Variants in CLMN observed in about 807,000 individuals in gnomAD.
CLMN encodes the protein calmin (calponin-like, transmembrane).
In CLMN, 57 loss-of-function variants were observed where a neutral mutation model predicts 92.7. The observed-to-expected ratio is 0.61, with a 90% CI of 0.50 to 0.77. The LOEUF is 0.77. CLMN is among the 30% of genes least tolerant of loss of function. The pLI is 0.00. For synonymous variants in CLMN, 466 were observed against 470.6 expected, an observed-to-expected ratio of 0.99 and a Z score of 0.13; for missense variants, 1,158 against 1,237.5, an observed-to-expected ratio of 0.94 and a Z score of 0.96.
chr14:95,268,959 A>C (rs1216736149), intron 1 of CLMN, among the ~76,000 whole-genome samples: 1 of 151,742 alleles, frequency 6.6e-6, no homozygotes, highest in Non-Finnish European at 1.5e-5. Context: ...ACGTGCCACC[A>C]TACCGAGCTA....
chr14:95,193,685 A>G (rs1297040066), intron 12 of CLMN, among the ~76,000 whole-genome samples, 164 bp downstream of exon 12: 1 of 152,138 alleles, frequency 6.6e-6, no homozygotes, highest in Non-Finnish European at 1.5e-5. Flanking sequence ...CTCATATTCA[A>G]TTTACATCAT....
chr14:95,308,063 T>C (rs1322558651), intron 1 of CLMN, among the ~76,000 whole-genome samples: 1 of 152,226 alleles, frequency 6.6e-6, no homozygotes, highest in Non-Finnish European at 1.5e-5. Flanking sequence ...GTGGTTCCCA[T>C]GGCTGCCTCT....
intron 4 of CLMN, among the ~76,000 whole-genome samples, chr14:95,216,964 T>C (rs1166858608): frequency 2.6e-4 from 39 of 152,164 alleles, no homozygotes; most frequent in Admixed American, 2.6e-3. Context: ...GGTTTGAGGA[T>C]CACTGCCCTA....
At chr14:95,284,801 T>C (rs1900276031) in intron 1 of CLMN, among the ~76,000 whole-genome samples, 1 of 152,210 alleles carries the variant, frequency 6.6e-6, no homozygotes, top group East Asian at 1.9e-4. Flanking sequence ...GGGATTTGCC[T>C]TGTCTCAGAT....
chr14:95,197,529 G>C (rs1761724728), intron 9 of CLMN, among the ~76,000 whole-genome samples: 1 of 152,178 alleles, frequency 6.6e-6, no homozygotes, highest in Non-Finnish European at 1.5e-5. Context: ...GGGCCAAAGG[G>C]TGCAAAGGTG....
chr14:95,250,984 A>G (rs1403072539), intron 1 of CLMN, among the ~76,000 whole-genome samples: 1 of 152,136 alleles, frequency 6.6e-6, no homozygotes, highest in African/African-American at 2.4e-5. Context: ...GTATTAGGAG[A>G]GGGCTGGTTC....
chr14:95,229,917 G>A (rs1301118032), intron 2 of CLMN, among the ~76,000 whole-genome samples, 155 bp downstream of exon 2: 3 of 152,040 alleles, frequency 2.0e-5, no homozygotes, highest in Admixed American at 2.0e-4. Context: ...TCCCAATCCT[G>A]AGCTTGGTAA....
intron 1 of CLMN, among the ~76,000 whole-genome samples, chr14:95,296,848 G>T (rs901672723): frequency 1.3e-5 from 2 of 152,168 alleles, no homozygotes; most frequent in African/African-American, 4.8e-5. Context: ...GTTGTTTCAG[G>T]TTTCCTGTAA....
intron 1 of CLMN, among the ~76,000 whole-genome samples, chr14:95,253,681 C>A (rs368436523): frequency 1.1e-4 from 16 of 150,770 alleles, no homozygotes; most frequent in African/African-American, 3.2e-4. Flanking sequence ...GGCGCGATCT[C>A]GGCTCACTGC....
intron 1 of CLMN, among the ~76,000 whole-genome samples, chr14:95,253,355 T>G (rs1261630320): frequency 6.6e-6 from 1 of 152,206 alleles, no homozygotes; most frequent in Non-Finnish European, 1.5e-5. Flanking sequence ...AGCACAGGGT[T>G]CCGCTCCATG....
chr14:95,239,832 A>G (rs1393544257), intron 1 of CLMN, among the ~76,000 whole-genome samples: 5 of 152,262 alleles, frequency 3.3e-5, no homozygotes, highest in African/African-American at 9.6e-5. Flanking sequence ...CTTTGGAAAT[A>G]GTCATGTGCC....
At chr14:95,199,902 G>A (rs1002813522) in intron 9 of CLMN, among the ~76,000 whole-genome samples, 2 of 152,128 alleles carry the variant, frequency 1.3e-5, no homozygotes, top group African/African-American at 4.8e-5. Context: ...AGACAAAGAG[G>A]GGTGGGTGGC....
chr14:95,300,459 A>G (rs1439622286), intron 1 of CLMN, among the ~76,000 whole-genome samples: 1 of 152,172 alleles, frequency 6.6e-6, no homozygotes, highest in Non-Finnish European at 1.5e-5. Flanking sequence ...CTCCAACAGC[A>G]AAGATGTGAC....
At chr14:95,249,293 T>C (rs1290889073) in intron 1 of CLMN, among the ~76,000 whole-genome samples, 2 of 152,218 alleles carry the variant, frequency 1.3e-5, no homozygotes, top group Non-Finnish European at 2.9e-5. Flanking sequence ...CACTGCATGT[T>C]GAGCAGATAA....
At chr14:95,296,995 G>A (rs529648371) in intron 1 of CLMN, among the ~76,000 whole-genome samples, 1 of 152,228 alleles carries the variant, frequency 6.6e-6, no homozygotes, top group Non-Finnish European at 1.5e-5. Flanking sequence ...GGAAGCAAAC[G>A]AATGCCAGCT....
intron 6 of CLMN, 104 bp downstream of exon 6, chr14:95,213,115 G>C: frequency 8.1e-7 from 1 of 1,236,062 alleles, no homozygotes; most frequent in Non-Finnish European, 1.1e-6. Context: ...ATGAAGCAAT[G>C]GGCACATACA....
chr14:95,209,918 A>T (rs936611971), intron 7 of CLMN, among the ~76,000 whole-genome samples: 2 of 152,216 alleles, frequency 1.3e-5, no homozygotes, highest in African/African-American at 4.8e-5. Context: ...TCTGCTAATG[A>T]AACCTGGTCC....
intron 1 of CLMN, among the ~76,000 whole-genome samples, chr14:95,278,240 G>T (rs1379211441): frequency 1.3e-5 from 2 of 152,204 alleles, no homozygotes; most frequent in African/African-American, 4.8e-5. Flanking sequence ...GCAATATCGG[G>T]TGCTTGTCCT....
chr14:95,202,711 G>T, intron 9 of CLMN, 127 bp downstream of exon 9: 2 of 1,043,024 alleles, frequency 1.9e-6, no homozygotes, highest in Non-Finnish European at 1.3e-6. Flanking sequence ...TTTGAATTTT[G>T]CACCATAGTA....
Sources: allele counts gnomAD v4.1 joint callset (sites outside exome capture counted in the v4.1 genomes callset), GRCh38; gene constraint gnomAD v4.1.1; transcripts MANE v1.5; gene names NCBI Gene and HGNC (gene_info 2026-07-23, HGNC 2026-07-21).